Variants in LGSN observed in about 807,000 individuals in gnomAD.
The protein encoded by LGSN is lengsin.
A neutral mutation model predicts 19.5 loss-of-function variants in LGSN; 21 were observed. The ratio of observed to expected loss-of-function variants is 1.07; its 90% CI spans 0.76 to 1.55. The LOEUF (loss-of-function observed/expected upper bound fraction) is 1.55. Ranked by LOEUF, LGSN falls within the 40% of genes most tolerant of loss-of-function variation. LGSN has a pLI of 0.00. For synonymous variants in LGSN, 257 were observed against 215.6 expected (o/e 1.19, Z -1.68); for missense variants, 673 against 608.5 (o/e 1.11, Z -1.12).
the LGSN span, among the ~76,000 whole-genome samples, chr6:63,570,015 T>A: frequency 6.6e-6 from 1 of 152,214 alleles, no homozygotes; most frequent in Non-Finnish European, 1.5e-5. Context: ...TGAACCACAA[T>A]GGCAGCTGAC....
the LGSN span, among the ~76,000 whole-genome samples, chr6:63,398,546 T>C: frequency 6.6e-6 from 1 of 152,166 alleles, no homozygotes; most frequent in Non-Finnish European, 1.5e-5. Context: ...TGTTTGTGTT[T>C]TAAGCTAAGC....
At chr6:63,555,226 C>T in the LGSN span, among the ~76,000 whole-genome samples, 5 of 152,096 alleles carry the variant, frequency 3.3e-5, no homozygotes, top group African/African-American at 4.8e-5. Flanking sequence ...GAGGCTGCCC[C>T]GAGTAGAGGT....
the LGSN span, among the ~76,000 whole-genome samples, chr6:63,406,758 C>T: frequency 1.3e-5 from 2 of 151,438 alleles, no homozygotes; most frequent in African/African-American, 4.9e-5. Context: ...TTGAAAGGAT[C>T]AACAAAATTG....
chr6:63,483,081 G>C, the LGSN span, among the ~76,000 whole-genome samples: 2 of 152,170 alleles, frequency 1.3e-5, no homozygotes, highest in Non-Finnish European at 2.9e-5. Context: ...AGTTAAACAA[G>C]CCAGATATGC....
At chr6:63,490,620 A>G in the LGSN span, among the ~76,000 whole-genome samples, 2 of 151,966 alleles carry the variant, frequency 1.3e-5, no homozygotes, top group Non-Finnish European at 2.9e-5. Context: ...TCTGTTTCCC[A>G]GGCTGGAGTG....
the LGSN span, among the ~76,000 whole-genome samples, chr6:63,469,955 A>T: frequency 3.0e-4 from 45 of 152,230 alleles, no homozygotes; most frequent in African/African-American, 1.0e-3. Flanking sequence ...ACCTCAGGTG[A>T]TCCACCTACC....
chr6:63,479,738 T>TCAAA, the LGSN span, among the ~76,000 whole-genome samples: 68,367 of 151,014 alleles, frequency 0.45, 17,172 homozygotes, highest in Non-Finnish European at 0.55. Flanking sequence ...AGACTCCGTC[T>TCAAA]CAAACAAACA....
the LGSN span, among the ~76,000 whole-genome samples, chr6:63,357,914 A>G: frequency 2.6e-5 from 4 of 152,032 alleles, no homozygotes; most frequent in South Asian, 2.1e-4. Flanking sequence ...GCCCATGCCT[A>G]TGTCCTGAAT....
chr6:63,520,075 T>C, the LGSN span, among the ~76,000 whole-genome samples: 1 of 152,202 alleles, frequency 6.6e-6, no homozygotes, highest in Non-Finnish European at 1.5e-5. Context: ...CACATAAATT[T>C]GCGAGAACAT....
chr6:63,363,488 T>C, the LGSN span, among the ~76,000 whole-genome samples: 2 of 151,898 alleles, frequency 1.3e-5, no homozygotes, highest in African/African-American at 4.8e-5. Flanking sequence ...GAATAAACGG[T>C]GTAGAGAAGT....
the LGSN span, among the ~76,000 whole-genome samples, chr6:63,489,873 C>A: frequency 6.6e-6 from 1 of 151,992 alleles, no homozygotes; most frequent in African/African-American, 2.4e-5. Flanking sequence ...CCACAACCAG[C>A]TAATTTATGT....
the LGSN span, among the ~76,000 whole-genome samples, chr6:63,561,604 C>T: frequency 2.6e-5 from 4 of 152,134 alleles, no homozygotes; most frequent in Admixed American, 2.6e-4. Flanking sequence ...AGGGCACTTA[C>T]AATCACAACC....
chr6:63,443,641 G>T, the LGSN span: 197 of 900,012 alleles, frequency 2.2e-4, no homozygotes, highest in Non-Finnish European at 2.6e-4. Context: ...ATGGAATTGG[G>T]CTCTGCTGGA....
chr6:63,455,027 A>C, the LGSN span, among the ~76,000 whole-genome samples: 2 of 145,228 alleles, frequency 1.4e-5, no homozygotes, highest in East Asian at 4.3e-4. Flanking sequence ...TTGTGACCTC[A>C]GGTGATCCAG....
At chr6:63,321,964 A>T (rs1173480291), upstream of LGSN, among the ~76,000 whole-genome samples, 1 of 152,210 alleles carries the variant, frequency 6.6e-6, no homozygotes, top group Non-Finnish European at 1.5e-5. Flanking sequence ...TCTCCTGCCA[A>T]AAAGTTGTAA....
chr6:63,510,179 A>G, the LGSN span, among the ~76,000 whole-genome samples: 1 of 152,220 alleles, frequency 6.6e-6, no homozygotes, highest in Non-Finnish European at 1.5e-5. Flanking sequence ...TGTGACTGCC[A>G]TAAAGTATGT....
chr6:63,505,647 C>A, the LGSN span, among the ~76,000 whole-genome samples: 1 of 72,074 alleles, frequency 1.4e-5, no homozygotes, highest in Non-Finnish European at 2.7e-5. Context: ...TTCTGGCATT[C>A]TTTTTTGTTT....
chr6:63,387,335 C>T, the LGSN span, among the ~76,000 whole-genome samples: 2 of 151,894 alleles, frequency 1.3e-5, no homozygotes, highest in Non-Finnish European at 2.9e-5. Context: ...CATAACGATG[C>T]ATTTTTTCTT....
the LGSN span, among the ~76,000 whole-genome samples, chr6:63,420,273 CT>C: frequency 1.3e-5 from 2 of 152,204 alleles, no homozygotes; most frequent in Non-Finnish European, 2.9e-5. Context: ...CCCCGGCCCC[CT>C]GGGCCCATAA....
Sources: gnomAD v4.1 joint callset for allele counts (sites outside exome capture counted in the v4.1 genomes callset) on GRCh38, gnomAD v4.1.1 for gene constraint, MANE v1.5 for transcripts, NCBI Gene and HGNC (gene_info 2026-07-23, HGNC 2026-07-21) for gene names.